RRP7A: variants seen among roughly 807,000 people sequenced by gnomAD.
RRP7A encodes the protein ribosomal RNA-processing protein 7 homolog A.
RRP7A carries 27 observed loss-of-function variants against 38.4 expected under a neutral mutation model. The observed-to-expected ratio is 0.70, with a 90% CI of 0.52 to 0.97. The LOEUF (loss-of-function observed/expected upper bound fraction) is 0.97, where lower values mean the gene tolerates loss of function less well. Among genes scored for constraint, RRP7A ranks in the 50% least tolerant of loss-of-function variants. The pLI, the probability that RRP7A is intolerant of heterozygous loss-of-function variation, is 0.00. For synonymous variants in RRP7A, 124 were observed against 150.3 expected, an observed-to-expected ratio of 0.83 and a Z score of 1.28; for missense variants, 327 against 375.4, an observed-to-expected ratio of 0.87 and a Z score of 1.07.
intron 3 of RRP7A, among the ~76,000 whole-genome samples, chr22:42,515,473 C>T (rs1368992126): frequency 9.9e-5 from 15 of 152,226 alleles, no homozygotes; most frequent in Non-Finnish European, 1.3e-4. Flanking sequence ...CGGGAAGTGA[C>T]GGCTGTTCCC....
At position 42,514,236 on chromosome 22, in the gene RRP7A, C is replaced by T. The variant is rs751776797; in HGVS notation, c.627G>A (p.Arg209=). ...DEEGWVKVTR[R]GRRPVLPRTE... is the part of the protein sequence containing the mutation. ...TCCGGGGGAGCACAGGCCGCCGGCC[C>T]CGGCGGGTCACCTTCACCCAGCCCT... The change falls in exon 6 of 7, where the codon CGG becomes CGA. Residue 209 remains arginine (R), a synonymous_variant. Coordinates refer to ENST00000323013, the MANE Select transcript of RRP7A (RefSeq NM_015703.5). The T allele has an allele frequency of 6.2e-7, 1 of 1,607,138 alleles. No individual in the cohort carries two copies. Among genetic ancestry groups the T allele is most frequent in the African/African-American group, 1.3e-5 (1 of 74,812 alleles).
At position 42,512,490 on chromosome 22, in the gene RRP7A, G is replaced by A. The variant is rs1932498922; in HGVS notation, c.*420C>T. On this transcript the variant is annotated 3_prime_UTR_variant, in exon 7 of 7. Coordinates refer to ENST00000323013, the MANE Select transcript of RRP7A (RefSeq NM_015703.5). Reference sequence around the variant, plus strand: ...TCTCCAGCCAGCTGGAGGAAGGAAGGGCGGGCTGGGCCCACCTAGCCTTTC... The same window carrying A: ...TCTCCAGCCAGCTGGAGGAAGGAAGAGCGGGCTGGGCCCACCTAGCCTTTC... The A allele has an allele frequency of 1.8e-6, 1 of 562,628 alleles. No individual in the cohort carries two copies. The highest frequency in any genetic ancestry group is 3.3e-5 in the Admixed American group (1 of 30,620). 34.9% of individuals were successfully genotyped at this position (562,628 alleles called of 1,614,324 possible). A position where few individuals can be genotyped will look rare whatever the true frequency, so the allele number is the denominator to read the frequency against.
In RRP7A at chr22:42,509,964, CTTTTTTTTT is replaced by C. The variant is rs60335800; in HGVS notation, c.*2937_*2945del. ...GTATTAAAAACCACGGGATTGTAGA[CTTTTTTTTT>C]TTTTTTTTTGAGATGGAGTCTGGCT... On this transcript the variant is annotated 3_prime_UTR_variant, in exon 7 of 7. Coordinates refer to ENST00000323013, the MANE Select transcript of RRP7A (RefSeq NM_015703.5). The C allele has an allele frequency of 8.1e-6, 1 of 122,906 alleles. No individual in the cohort carries two copies. Among genetic ancestry groups the C allele is most frequent in the Non-Finnish European group, 1.7e-5 (1 of 57,944 alleles). 7.6% of individuals were successfully genotyped at this position (122,906 alleles called of 1,614,324 possible).
Position 42,512,859 on chromosome 22 carries a change from T to A in RRP7A, c.*51A>T. The A allele has an allele frequency of 6.4e-7, 1 of 1,569,874 alleles. No homozygotes were observed. Among genetic ancestry groups the A allele is most frequent in the East Asian group, 2.3e-5 (1 of 44,096 alleles). On this transcript the variant is annotated 3_prime_UTR_variant, in exon 7 of 7. Transcript: ENST00000323013. Reference sequence around the variant, plus strand: ...CTCAGAGACCGCTGCAGGCCCTGCCTCGCCTCCTCCTGGCCCTGCACCTCC... The same window carrying A: ...CTCAGAGACCGCTGCAGGCCCTGCCACGCCTCCTCCTGGCCCTGCACCTCC...
At chr22:42,516,834 C>T (rs1920931124) in intron 2 of RRP7A, among the ~76,000 whole-genome samples, 1 of 152,202 alleles carries the variant, frequency 6.6e-6, no homozygotes, top group African/African-American at 2.4e-5. Flanking sequence ...ATGCAGCGAG[C>T]TGGACACTTG....
chr22:42,516,175 A>G (rs752941044), intron 2 of RRP7A, 39 bp from the exon 3 acceptor site: 65 of 1,608,716 alleles, frequency 4.0e-5, no homozygotes, highest in Middle Eastern at 1.7e-4. Context: ...GAGCATCCGC[A>G]GGGCCATCCC....
rs2146612841 is a variant in RRP7A, at chr22:42,508,823, C to G, written c.*4087G>C. Among the ~76,000 whole-genome samples, 1 of 152,298 alleles carries G rather than the reference C, an allele frequency of 6.6e-6. No homozygotes were observed. Among genetic ancestry groups the G allele is most frequent in the East Asian group, 1.9e-4 (1 of 5,190 alleles). Reference sequence around the variant, plus strand: ...CCACGAGCCCAGGAAGAGGGGAGAACAGACTTGGAGAGGGCAGGAGTCTCT... The same window carrying G: ...CCACGAGCCCAGGAAGAGGGGAGAAGAGACTTGGAGAGGGCAGGAGTCTCT... On this transcript the variant is annotated 3_prime_UTR_variant, in exon 7 of 7. Transcript: ENST00000323013.
intron 4 of RRP7A, 51 bp from the exon 5 acceptor site, chr22:42,514,830 G>A (rs910263593): frequency 1.4e-6 from 2 of 1,406,782 alleles, no homozygotes; most frequent in African/African-American, 1.5e-5. Context: ...CTGGCATTTG[G>A]GCCCCACCCC....
At chr22:42,513,116 C>T in intron 6 of RRP7A, 121 bp from the exon 7 acceptor site, 3 of 796,254 alleles carry the variant, frequency 3.8e-6, no homozygotes, top group Non-Finnish European at 6.3e-6. Flanking sequence ...CCCCACCAGC[C>T]CATCCCCCTC....
chr22:42,510,871 C>A lies in RRP7A; in HGVS notation c.*2039G>T. On this transcript the variant is annotated 3_prime_UTR_variant, in exon 7 of 7. Transcript: ENST00000323013. ...ACCAGGATCTATCAGGCCTCATGCT[C>A]CAGTGATCAGTCCCTAGAGGCCTGG... 1 of 964,456 alleles carries A rather than the reference C, an allele frequency of 1.0e-6. No individual in the cohort carries two copies. The highest frequency in any genetic ancestry group is 1.3e-6 in the Non-Finnish European group (1 of 755,026). The allele number at this position is 964,456 out of a possible 1,614,324, so 59.7% of individuals were successfully genotyped here.
At position 42,515,242 on chromosome 22, in the gene RRP7A, G is replaced by C. The variant is rs1398789729; in HGVS notation, c.369C>G (p.Phe123Leu). The change falls in exon 4 of 7, where the codon TTC (phenylalanine) becomes TTG (leucine). Residue 123 changes from phenylalanine (F) to leucine (L), a missense_variant. This residue lies in a region of RRP7A where 12 missense variants were observed against 27.1 expected (regional missense o/e 0.44). Coordinates refer to ENST00000323013, the MANE Select transcript of RRP7A (RefSeq NM_015703.5). ...CCGCTGACACCCCACTTGGCTTCTG[G>C]AACACCACATAGGCTACCTGGAAAC... ...VPGFQVAYVV[F>L]QKPSGVSAAL... 4 of 1,425,236 alleles carry C rather than the reference G, an allele frequency of 2.8e-6. No individual in the cohort carries two copies. In the African/African-American group the frequency reaches 5.3e-5, roughly 19 times the overall value. 88.3% of individuals were successfully genotyped at this position (1,425,236 alleles called of 1,614,324 possible). A position where few individuals can be genotyped will look rare whatever the true frequency, so the allele number is the denominator to read the frequency against.
chr22:42,510,323 G>A lies in RRP7A; in HGVS notation c.*2587C>T. The A allele has an allele frequency of 6.1e-6, 1 of 164,774 alleles. No homozygotes were observed. The highest frequency in any genetic ancestry group is 1.9e-4 in the South Asian group (1 of 5,142). The allele number at this position is 164,774 out of a possible 1,614,324, so 10.2% of individuals were successfully genotyped here. ...ATAAATTCTCTCTCAGAGCAAGTGT[G>A]GGCTCCAGCGCCTGTTCAGATCCCA... On this transcript the variant is annotated 3_prime_UTR_variant, in exon 7 of 7. Coordinates refer to ENST00000323013, the MANE Select transcript of RRP7A (RefSeq NM_015703.5).
chr22:42,511,843 C>T lies in RRP7A; in HGVS notation c.*1067G>A. On this transcript the variant is annotated 3_prime_UTR_variant, in exon 7 of 7. Coordinates refer to ENST00000323013, the MANE Select transcript of RRP7A (RefSeq NM_015703.5). ...CTACTTCGGATACAATCACAGCAAC[C>T]CTGGCCTCGGCCCTGCCCTGTCCCT... is the stretch of plus-strand genomic sequence containing the variant. The T allele has an allele frequency of 2.1e-6, 1 of 482,540 alleles. No individual in the cohort carries two copies. The highest frequency in any genetic ancestry group is 3.8e-6 in the Non-Finnish European group (1 of 262,372). The allele number at this position is 482,540 out of a possible 1,614,324, so 29.9% of individuals were successfully genotyped here. A position where few individuals can be genotyped will look rare whatever the true frequency, so the allele number is the denominator to read the frequency against.
intron 3 of RRP7A, 106 bp downstream of exon 3, chr22:42,515,905 T>C (rs1920928189): frequency 7.2e-7 from 1 of 1,389,184 alleles, no homozygotes; most frequent in Admixed American, 2.3e-5. Context: ...GAGGATGGGC[T>C]CAGGACCAGA....
intron 1 of RRP7A, among the ~76,000 whole-genome samples, chr22:42,519,411 C>T (rs1488129590): frequency 6.6e-6 from 1 of 152,170 alleles, no homozygotes; most frequent in Admixed American, 6.5e-5. Flanking sequence ...GATGGGCTCA[C>T]CTGGACGAGC....
intron 3 of RRP7A, 130 bp from the exon 4 acceptor site, chr22:42,515,398 G>C: frequency 1.5e-6 from 1 of 661,484 alleles, no homozygotes; most frequent in Admixed American, 2.6e-5. Flanking sequence ...GAGCCATGAA[G>C]AGAACCACAG....
chr22:42,519,732 T>G lies in RRP7A; in HGVS notation c.55A>C (p.Ser19Arg), dbSNP rs746037038. ...CCCTCACCTGCGTAGCCCAGTGGGC[T>G]GGGGATACGGTCCTCCGGGTCCCGC... ...AARDPEDRIP[S>R]PLGYAAIPIK... The change falls in exon 1 of 7, where the codon AGC (serine) becomes CGC (arginine). Residue 19 changes from serine (S) to arginine (R), a missense_variant. Around this residue, in one of 5 missense-constraint regions of RRP7A, gnomAD observed 183 missense variants for 141.8 expected, o/e 1.29. Transcript: ENST00000323013. The G allele has an allele frequency of 5.4e-5, 79 of 1,462,936 alleles. No homozygotes were observed. The highest frequency in any genetic ancestry group is 6.2e-5 in the Non-Finnish European group (69 of 1,109,930). 90.6% of individuals were successfully genotyped at this position (1,462,936 alleles called of 1,614,324 possible).
Position 42,509,542 on chromosome 22 carries a change from A to C in RRP7A, c.*3368T>G, listed in dbSNP as rs1478373201. ...GAGACGAGGTTTCGCCATGTTGGCC[A>C]GGCTGCTCTCCATCTCCTGACCTCA... On this transcript the variant is annotated 3_prime_UTR_variant, in exon 7 of 7. Coordinates refer to ENST00000323013, the MANE Select transcript of RRP7A (RefSeq NM_015703.5). 3.3e-5 allele frequency among the ~76,000 whole-genome samples: 5 copies of C among 150,020 alleles called. No homozygotes were observed. The highest frequency in any genetic ancestry group is 7.4e-5 in the Non-Finnish European group (5 of 67,272).
chr22:42,514,046 G>A, intron 6 of RRP7A, 60 bp downstream of exon 6: 3 of 1,495,430 alleles, frequency 2.0e-6, no homozygotes, highest in Non-Finnish European at 1.8e-6. Flanking sequence ...CTGGCCACAG[G>A]CCTCATCCGT....
Sources: gnomAD v4.1 joint callset for allele counts (sites outside exome capture counted in the v4.1 genomes callset) on GRCh38, gnomAD v4.1.1 for gene constraint, gnomAD v4.1.1 regional missense constraint, MANE v1.5 for transcripts, NCBI Gene and HGNC (gene_info 2026-07-23, HGNC 2026-07-21) for gene names.